KIF1A: variants seen among roughly 807,000 people sequenced by gnomAD.
KIF1A encodes the protein kinesin-like protein KIF1A.
A neutral mutation model predicts 227.3 loss-of-function variants in KIF1A; 46 were observed. The observed-to-expected ratio is 0.20, with a 90% CI of 0.16 to 0.26. The LOEUF (loss-of-function observed/expected upper bound fraction) is 0.26. Among genes scored for constraint, KIF1A ranks in the 10% least tolerant of loss-of-function variants. KIF1A has a pLI of 1.00. For missense variants in KIF1A, 1,683 were observed against 2,485.9 expected (o/e 0.68, Z 6.87); for synonymous variants, 1,022 against 1,012.8 (o/e 1.01, Z -0.17).
chr2:240,771,168 G>A (rs774953351), intron 14 of KIF1A, 64 bp from the exon 15 acceptor site: 8 of 1,606,602 alleles, frequency 5.0e-6, no homozygotes, highest in African/African-American at 1.3e-5. Context: ...TTGTTCTCAA[G>A]GTCGGACACG....
In KIF1A at chr2:240,789,763, C is replaced by T. The variant is rs2055428008; in HGVS notation, c.107-451G>A. ...GCGCTGGAAGCCTGGGCGTCCATCA[C>T]GTTTGTGTTACGCCTGTGCGGTTCT... On this transcript the variant is annotated intron_variant, in intron 2 of 48. Transcript: ENST00000498729. This position sits in a 1 kb window ranked among gnomAD's most constrained non-coding sequence, Gnocchi z 4.8. Among the ~76,000 whole-genome samples the T allele has an allele frequency of 6.6e-6, 1 of 152,154 alleles. No homozygotes were observed. The highest frequency in any genetic ancestry group is 2.1e-4 in the South Asian group (1 of 4,816).
rs925289039 is a variant in KIF1A at position 240,724,169 on chromosome 2, C to G, written c.4257-133G>C. 1.3e-4 allele frequency: 97 copies of G among 770,478 alleles called. No homozygotes were observed. The African/African-American group carries it at 1.6e-3, about 12-fold the overall frequency. The allele number at this position is 770,478 out of a possible 1,614,324, so 47.7% of individuals were successfully genotyped here. On this transcript the variant is annotated intron_variant, in intron 40 of 48. Coordinates refer to ENST00000498729, the MANE Select transcript of KIF1A (RefSeq NM_001244008.2). ...CTGGGGTGATGGGGTGTTGAGGTCC[C>G]TGAGCTACAGCCCCTGTTCAGAGTC...
rs1178764096 is a variant in KIF1A at position 240,725,198 on chromosome 2, C to T, written c.4256+73G>A. On this transcript the variant is annotated intron_variant, in intron 40 of 48. Transcript: ENST00000498729. The surrounding 1 kb of genome is among the most constrained non-coding windows in gnomAD (Gnocchi z 5.8). ...TGCCGGGTGGCCCAAGGACCGCTGCCAGGCAGAGCCCTGCCTGGCCCGCAC... is the reference window on the plus strand; with the variant it reads ...TGCCGGGTGGCCCAAGGACCGCTGCTAGGCAGAGCCCTGCCTGGCCCGCAC... 2.0e-6 allele frequency: 3 copies of T among 1,511,826 alleles called. No individual in the cohort carries two copies. The highest frequency in any genetic ancestry group is 2.8e-5 in the African/African-American group (2 of 71,238). 93.7% of individuals were successfully genotyped at this position (1,511,826 alleles called of 1,614,324 possible).
At chr2:240,743,066 C>A in intron 33 of KIF1A, 82 bp from the exon 34 acceptor site, 1 of 1,141,060 alleles carries the variant, frequency 8.8e-7, no homozygotes, top group East Asian at 2.7e-5. Flanking sequence ...CTACAGGCCC[C>A]AGGTGCCCAT....
chr2:240,718,055 G>A lies in KIF1A; in HGVS notation c.5328C>T (p.Thr1776=). ...CGCCCTGCAGGCGGCCCTACCGTAT[G>A]GTCCCGGCCAGGAGGGGGTTGAAGG... ...LYAFNPLLAG[T]IRSKLSRRRS... The change falls in exon 48 of 49, where the codon ACC becomes ACT. Residue 1776 remains threonine (T), a synonymous_variant. Transcript: ENST00000498729. The A allele has an allele frequency of 6.2e-7, 1 of 1,605,030 alleles. No homozygotes were observed. The highest frequency in any genetic ancestry group is 8.5e-7 in the Non-Finnish European group (1 of 1,175,332).
In KIF1A at chr2:240,785,190, C is replaced by CG. The variant is rs112508829; in HGVS notation, c.609-91dup. The CG allele has an allele frequency of 0.012, 11,974 of 1,036,266 alleles. 738 individuals carry two copies. In the African/African-American group the frequency reaches 0.15, roughly 13 times the overall value. The allele number at this position is 1,036,266 out of a possible 1,614,324, so 64.2% of individuals were successfully genotyped here. ...GTGCCAGCCCTCTGAACCAGGTCAT[C>CG]GGGGGGGGCAGTTCCCCCAGACCCC... is the stretch of plus-strand genomic sequence containing the variant. On this transcript the variant is annotated intron_variant, in intron 6 of 48. Coordinates refer to ENST00000498729, the MANE Select transcript of KIF1A (RefSeq NM_001244008.2).
intron 29 of KIF1A, among the ~76,000 whole-genome samples, chr2:240,746,491 G>A (rs1217746833): frequency 6.6e-6 from 1 of 152,184 alleles, no homozygotes. Context: ...CGCCTGCCAG[G>A]GCCCCTTGTC....
At position 240,766,749 on chromosome 2, in the gene KIF1A, T is replaced by TCTCTCTCACACACACACACACACA. The variant is rs1454271542; in HGVS notation, c.1684+165_1684+166insTGTGTGTGTGTGTGTGTGAGAGAG. Among the ~76,000 whole-genome samples the TCTCTCTCACACACACACACACACA allele has an allele frequency of 9.2e-6, 1 of 108,974 alleles. No individual in the cohort carries two copies. Among genetic ancestry groups the TCTCTCTCACACACACACACACACA allele is most frequent in the Non-Finnish European group, 1.8e-5 (1 of 56,762 alleles). 71.5% of individuals were successfully genotyped at this position (108,974 alleles called of 152,430 possible). ...CTCTCTCTCTCTCTCTCTCTCTCTC[T>TCTCTCTCACACACACACACACACA]CACACACACACACACACACACACAC... On this transcript the variant is annotated intron_variant, in intron 19 of 48. Transcript: ENST00000498729. This position sits in a 1 kb window ranked among gnomAD's most constrained non-coding sequence, Gnocchi z 5.0.
intron 10 of KIF1A, chr2:240,782,138 C>T (rs1333221906): frequency 3.0e-6 from 3 of 985,306 alleles, no homozygotes; most frequent in Non-Finnish European, 3.6e-6. Flanking sequence ...TCACACGTGG[C>T]GCGCTCCGCG....
rs1159290358 is a variant in KIF1A, at chr2:240,778,835, C to T, written c.883-2909G>A. On this transcript the variant is annotated intron_variant, in intron 10 of 48. Coordinates refer to ENST00000498729, the MANE Select transcript of KIF1A (RefSeq NM_001244008.2). This position sits in a 1 kb window ranked among gnomAD's most constrained non-coding sequence, Gnocchi z 7.2. ...CCAAACAGCTCCTCCCGCCATGGCT[C>T]ACACACTTCCTCACACGTTCCTCAC... Among the ~76,000 whole-genome samples, 1 of 152,092 alleles carries T rather than the reference C, an allele frequency of 6.6e-6. No homozygotes were observed. Among genetic ancestry groups the T allele is most frequent in the Non-Finnish European group, 1.5e-5 (1 of 68,014 alleles).
At chr2:240,754,913 C>G (rs1026153840) in intron 27 of KIF1A, among the ~76,000 whole-genome samples, 1 of 152,156 alleles carries the variant, frequency 6.6e-6, no homozygotes, top group Non-Finnish European at 1.5e-5. Flanking sequence ...GTGAAGCCCT[C>G]GAGCTGGAGC....
chr2:240,745,355 T>C (rs1336933061), intron 32 of KIF1A, 72 bp downstream of exon 32: 3 of 1,175,010 alleles, frequency 2.6e-6, no homozygotes, highest in Non-Finnish European at 2.5e-6. Context: ...AGAGGGAGAA[T>C]GAGCCATGCT....
chr2:240,742,156 A>G (rs1174302197), intron 34 of KIF1A, among the ~76,000 whole-genome samples: 2 of 152,164 alleles, frequency 1.3e-5, no homozygotes, highest in African/African-American at 4.8e-5. Context: ...TTCATCTTAC[A>G]GGGGTTCCGA....
In KIF1A at chr2:240,770,963, G is replaced by A. The variant is rs749268264; in HGVS notation, c.1341+8C>T. 1.7e-5 allele frequency: 27 copies of A among 1,609,224 alleles called. No individual in the cohort carries two copies. Among genetic ancestry groups the A allele is most frequent in the Non-Finnish European group, 2.3e-5 (27 of 1,179,662 alleles). ...CTGACACCCTGAAGCCCCAGGTGGT[G>A]CCCTCACCTTCAGTCTTTCAATGGC... On this transcript the variant is annotated splice_region_variant and intron_variant, in intron 15 of 48. Coordinates refer to ENST00000498729, the MANE Select transcript of KIF1A (RefSeq NM_001244008.2).
intron 1 of KIF1A, among the ~76,000 whole-genome samples, chr2:240,804,045 A>G (rs1367021509): frequency 6.6e-6 from 1 of 152,166 alleles, no homozygotes; most frequent in East Asian, 1.9e-4. Context: ...AGGTGGGTGG[A>G]TCACAAGGTT....
Position 240,790,048 on chromosome 2 carries a change from A to G in KIF1A, c.107-736T>C, listed in dbSNP as rs2055471052. On this transcript the variant is annotated intron_variant, in intron 2 of 48. Transcript: ENST00000498729. The surrounding 1 kb of genome is among the most constrained non-coding windows in gnomAD (Gnocchi z 5.0). ...TGTCCCAGGAGCTCCTCCCACCCAC[A>G]CAGCCTGCAAGTATCTCAGGGACCC... Among the ~76,000 whole-genome samples, 1 of 151,910 alleles carries G rather than the reference A, an allele frequency of 6.6e-6. No individual in the cohort carries two copies. The highest frequency in any genetic ancestry group is 1.5e-5 in the Non-Finnish European group (1 of 67,960).
intron 23 of KIF1A, among the ~76,000 whole-genome samples, chr2:240,762,328 A>G (rs951997286): frequency 6.6e-6 from 1 of 152,190 alleles, no homozygotes; most frequent in Non-Finnish European, 1.5e-5. Flanking sequence ...CGGGGGCCCC[A>G]TGAGCCTTGT....
At chr2:240,769,427 G>C (rs1169972842) in intron 16 of KIF1A, among the ~76,000 whole-genome samples, 200 bp downstream of exon 16, 1 of 152,224 alleles carries the variant, frequency 6.6e-6, no homozygotes, top group African/African-American at 2.4e-5. Context: ...GGTCTCTCAG[G>C]CCTTGGTGGC....
At chr2:240,751,974 CT>C (rs1204900002) in intron 27 of KIF1A, among the ~76,000 whole-genome samples, 1 of 152,168 alleles carries the variant, frequency 6.6e-6, no homozygotes, top group East Asian at 1.9e-4. Flanking sequence ...ACCTCCCTCG[CT>C]TTCTGAGTGG....
Sources: allele counts gnomAD v4.1 joint callset (sites outside exome capture counted in the v4.1 genomes callset), GRCh38; gene constraint gnomAD v4.1.1; non-coding constraint Gnocchi (gnomAD v3.1); transcripts MANE v1.5; gene names NCBI Gene and HGNC (gene_info 2026-07-23, HGNC 2026-07-21).